WWC1: variants seen among roughly 807,000 people sequenced by gnomAD.
The protein encoded by WWC1 is protein KIBRA.
Under a neutral mutation model 138.4 loss-of-function variants are expected in WWC1, and 55 were observed. That is an observed-to-expected ratio of 0.40 (90% confidence interval 0.32 to 0.50). The LOEUF is 0.50. Ranked by LOEUF, WWC1 falls within the 20% of genes least tolerant of loss-of-function variation. The pLI is 0.72. For missense variants in WWC1, 1,226 were observed against 1,420.4 expected, an observed-to-expected ratio of 0.86 and a Z score of 2.20; for synonymous variants, 524 against 564.9, an observed-to-expected ratio of 0.93 and a Z score of 1.03.
rs757876705 is a variant in WWC1 at position 168,423,599 on chromosome 5, C to T, written c.1341C>T (p.Gly447=). Residue 447 remains glycine, a synonymous_variant, in exon 11 of 23, where the codon GGC becomes GGT. Coordinates refer to ENST00000265293, the MANE Select transcript of WWC1 (RefSeq NM_015238.3). The part of the protein sequence containing the change: ...SSPGSLTSSR[G]SLVASSLDSS... ...CCGGATCCCTCACGTCCAGCCGGGG[C>T]TCCCTGGTTGCATCCAGCCTGGACT... 6.8e-6 allele frequency: 11 copies of T among 1,614,026 alleles called. No homozygotes were observed. The East Asian group carries it at 1.6e-4, about 23-fold the overall frequency.
chr5:168,360,865 G>A (rs996347972), intron 1 of WWC1, among the ~76,000 whole-genome samples: 2 of 152,246 alleles, frequency 1.3e-5, no homozygotes, highest in African/African-American at 4.8e-5. Flanking sequence ...ATTCTGGAAT[G>A]GCCAAATTCC....
chr5:168,370,459 A>G (rs968895270), intron 1 of WWC1, among the ~76,000 whole-genome samples: 1 of 152,200 alleles, frequency 6.6e-6, no homozygotes, highest in South Asian at 2.1e-4. Flanking sequence ...TTGCCAGTCT[A>G]TAGAAAGAAT....
intron 17 of WWC1, among the ~76,000 whole-genome samples, chr5:168,448,616 ATTTT>A (rs756135846): frequency 5.1e-5 from 6 of 117,600 alleles, no homozygotes; most frequent in African/African-American, 1.7e-4. Context: ...CTCAAATAAG[ATTTT>A]TTTTTTTTTT....
chr5:168,413,044 A>G (rs995943608), intron 8 of WWC1, among the ~76,000 whole-genome samples: 6 of 152,162 alleles, frequency 3.9e-5, no homozygotes, highest in African/African-American at 9.7e-5. Flanking sequence ...GCTGCACATC[A>G]TGGTAAATTT....
intron 1 of WWC1, among the ~76,000 whole-genome samples, chr5:168,324,999 C>A (rs961165884): frequency 1.3e-5 from 2 of 152,162 alleles, no homozygotes; most frequent in African/African-American, 4.8e-5. Flanking sequence ...TGACTGGATC[C>A]AGTAGAGCAA....
intron 19 of WWC1, among the ~76,000 whole-genome samples, 173 bp from the exon 20 acceptor site, chr5:168,460,477 C>T (rs1291025449): frequency 6.6e-6 from 1 of 152,204 alleles, no homozygotes; most frequent in Non-Finnish European, 1.5e-5. Context: ...ATAGTACATG[C>T]TTAACGAATG....
Position 168,428,154 on chromosome 5 carries a change from G to C in WWC1, c.1919+13G>C. On this transcript the variant is annotated intron_variant, in intron 12 of 22. Transcript: ENST00000265293. ...CTTCCGTGCAGAGGTAGGTGTCTGG[G>C]TGCTGGCTCTCTCTGTGGCCCTGTA... is the stretch of plus-strand genomic sequence containing the variant. 6.2e-7 allele frequency: 1 copy of C among 1,609,900 alleles called. No individual in the cohort carries two copies. The highest frequency in any genetic ancestry group is 1.1e-5 in the South Asian group (1 of 90,856).
intron 12 of WWC1, among the ~76,000 whole-genome samples, chr5:168,428,506 T>C (rs1781691066): frequency 6.6e-6 from 1 of 151,998 alleles, no homozygotes. Context: ...GATCACTTGA[T>C]ACAAGGAGTT....
intron 1 of WWC1, among the ~76,000 whole-genome samples, chr5:168,350,810 T>C (rs1481718761): frequency 6.6e-6 from 1 of 152,208 alleles, no homozygotes; most frequent in African/African-American, 2.4e-5. Context: ...TGGTGCACCC[T>C]CTTCCCAATT....
At chr5:168,295,708 G>A (rs1345097695) in intron 1 of WWC1, among the ~76,000 whole-genome samples, 1 of 152,168 alleles carries the variant, frequency 6.6e-6, no homozygotes, top group Non-Finnish European at 1.5e-5. Context: ...GGGCTGAGCT[G>A]TTTTGTGTGC....
intron 1 of WWC1, among the ~76,000 whole-genome samples, chr5:168,350,669 A>G (rs189967809): frequency 5.9e-5 from 9 of 152,364 alleles, no homozygotes; most frequent in East Asian, 1.9e-4. Flanking sequence ...AAGAAAGCCT[A>G]TTGTTATCAT....
intron 1 of WWC1, among the ~76,000 whole-genome samples, chr5:168,331,757 A>G (rs1278550885): frequency 6.6e-6 from 1 of 152,150 alleles, no homozygotes; most frequent in South Asian, 2.1e-4. Context: ...TTATTGAAAA[A>G]CTTTCTTTGA....
At chr5:168,453,251 G>A (rs909103790) in intron 17 of WWC1, among the ~76,000 whole-genome samples, 3 of 151,754 alleles carry the variant, frequency 2.0e-5, no homozygotes, top group African/African-American at 4.8e-5. Context: ...GGAATGAACC[G>A]CTGATGCATA....
intron 1 of WWC1, among the ~76,000 whole-genome samples, chr5:168,296,077 C>T (rs1180069821): frequency 6.6e-6 from 1 of 152,202 alleles, no homozygotes; most frequent in Non-Finnish European, 1.5e-5. Flanking sequence ...CTTTTGTGAG[C>T]TCTAGCGAAG....
chr5:168,422,710 T>C (rs1280205294), intron 10 of WWC1, among the ~76,000 whole-genome samples: 1 of 152,220 alleles, frequency 6.6e-6, no homozygotes, highest in Non-Finnish European at 1.5e-5. Flanking sequence ...TGAACAACAG[T>C]GCATCAGTGG....
chr5:168,443,482 T>C (rs755527435), intron 16 of WWC1, among the ~76,000 whole-genome samples: 4 of 152,178 alleles, frequency 2.6e-5, no homozygotes, highest in Middle Eastern at 3.2e-3. Flanking sequence ...CCCAGGTCTC[T>C]CACTCCAAAA....
chr5:168,455,276 G>C, intron 18 of WWC1, 80 bp from the exon 19 acceptor site: 1 of 1,468,984 alleles, frequency 6.8e-7, no homozygotes, highest in African/African-American at 1.4e-5. Flanking sequence ...CAGGAGGGAA[G>C]AGGAGCAGCT....
At chr5:168,461,181 T>C (rs926118282) in intron 20 of WWC1, among the ~76,000 whole-genome samples, 8 of 151,984 alleles carry the variant, frequency 5.3e-5, no homozygotes, top group Non-Finnish European at 1.2e-4. Flanking sequence ...ATACAAAAAT[T>C]AGCCGGGCGT....
intron 3 of WWC1, among the ~76,000 whole-genome samples, chr5:168,387,588 C>T (rs906819479): frequency 2.6e-5 from 4 of 152,142 alleles, no homozygotes; most frequent in African/African-American, 7.2e-5. Context: ...AGAGCCTGGA[C>T]GTCTGAGATT....
Sources: gnomAD v4.1 joint callset for allele counts (sites outside exome capture counted in the v4.1 genomes callset) on GRCh38, gnomAD v4.1.1 for gene constraint, MANE v1.5 for transcripts, NCBI Gene and HGNC (gene_info 2026-07-23, HGNC 2026-07-21) for gene names.